Variants in F11 observed in about 807,000 individuals in gnomAD.
F11 encodes coagulation factor XI, also known as coagualtion factor XI.
In F11, 78 loss-of-function variants were observed where a neutral mutation model predicts 76.5. That is an observed-to-expected ratio of 1.02 (90% confidence interval 0.85 to 1.23). The LOEUF (loss-of-function observed/expected upper bound fraction) is 1.23, where lower values mean the gene tolerates loss of function less well. Among genes scored for constraint, F11 ranks in the 50% most tolerant of loss-of-function variants. The probability of loss-of-function intolerance (pLI) is 0.00; values close to 1 mark genes in which losing one functional copy is unlikely to be tolerated. For missense variants in F11, 742 were observed against 771.4 expected (o/e 0.96, Z 0.45); for synonymous variants, 278 against 276.3 (o/e 1.01, Z -0.06).
Position 186,280,356 on chromosome 4 carries a change from C to A in F11, c.999C>A (p.Thr333=). Residue 333 remains threonine (T), a synonymous_variant, in exon 9 of 15, where the codon ACC becomes ACA. Coordinates refer to ENST00000403665, the MANE Select transcript of F11 (RefSeq NM_000128.4). The part of the protein sequence containing the change: ...NAVRCQFFTY[T]PAQASCNEGK... ...TCCGCTGCCAGTTTTTTACCTATAC[C>A]CCAGCCCAAGCATCCTGCAACGAAG... is the stretch of plus-strand genomic sequence containing the variant. 1.9e-6 allele frequency: 3 copies of A among 1,614,144 alleles called. No individual in the cohort carries two copies. The highest frequency in any genetic ancestry group is 2.5e-6 in the Non-Finnish European group (3 of 1,180,026).
chr4:186,267,534 T>TAC (rs935064975), intron 2 of F11, among the ~76,000 whole-genome samples: 4 of 152,238 alleles, frequency 2.6e-5, no homozygotes, highest in Non-Finnish European at 5.9e-5. Flanking sequence ...CAATGGAACA[T>TAC]ACACACACAC....
chr4:186,288,262 T>C (rs1417304005), intron 14 of F11, among the ~76,000 whole-genome samples, 191 bp from the exon 15 acceptor site: 2 of 152,068 alleles, frequency 1.3e-5, no homozygotes, highest in African/African-American at 4.8e-5. Flanking sequence ...GGGAACACAG[T>C]GTATTTGTTT....
chr4:186,282,818 A>G (rs1233604493), intron 10 of F11: 1 of 985,172 alleles, frequency 1.0e-6, no homozygotes, highest in Non-Finnish European at 1.2e-6. Context: ...AGTTGCTGTT[A>G]GCTGCTGTTT....
At chr4:186,269,511 T>C (rs775522526) in intron 2 of F11, among the ~76,000 whole-genome samples, 7 of 152,218 alleles carry the variant, frequency 4.6e-5, no homozygotes, top group Non-Finnish European at 1.0e-4. Context: ...GAACAAATAC[T>C]GTGGGATCTC....
At chr4:186,286,110 T>C (rs1447106534) in intron 12 of F11, 5 of 523,336 alleles carry the variant, frequency 9.6e-6, no homozygotes, top group Non-Finnish European at 1.4e-5. Context: ...CTAAAGATAA[T>C]TTATTAAAGA....
Position 186,289,022 on chromosome 4 carries a change from A to ACGGC in F11, c.*408_*409insCGGC. Reference sequence around the variant, plus strand: ...TGAAAACTGGAAGAAAGGAGAACAAAGACAGTCTTCACCATTTTGCAGGAA... The same window carrying ACGGC: ...TGAAAACTGGAAGAAAGGAGAACAAACGGCGACAGTCTTCACCATTTTGCAGGAA... On this transcript the variant is annotated 3_prime_UTR_variant, in exon 15 of 15. Coordinates refer to ENST00000403665, the MANE Select transcript of F11 (RefSeq NM_000128.4). 1 of 219,128 alleles carries ACGGC rather than the reference A, an allele frequency of 4.6e-6. No homozygotes were observed. The highest frequency in any genetic ancestry group is 7.2e-5 in the South Asian group (1 of 13,932). 13.6% of individuals were successfully genotyped at this position (219,128 alleles called of 1,614,324 possible).
chr4:186,281,660 G>T (rs989970700), intron 10 of F11, among the ~76,000 whole-genome samples: 2 of 152,084 alleles, frequency 1.3e-5, no homozygotes, highest in Non-Finnish European at 2.9e-5. Flanking sequence ...ACTATATATT[G>T]ATTTACATAA....
chr4:186,275,683 G>C (rs1300356682), intron 5 of F11, 104 bp from the exon 6 acceptor site: 3 of 795,472 alleles, frequency 3.8e-6, no homozygotes, highest in African/African-American at 3.4e-5. Context: ...GATGCTTCGG[G>C]GTCTCGCAGG....
rs1739561285 is a variant in F11 at position 186,267,071 on chromosome 4, G to A, written c.-1-65G>A. 5 of 1,016,274 alleles carry A rather than the reference G, an allele frequency of 4.9e-6. No homozygotes were observed. In the Admixed American group the frequency reaches 5.1e-5, roughly 10 times the overall value. 63.0% of individuals were successfully genotyped at this position (1,016,274 alleles called of 1,614,324 possible). ...CTCCCTATTTCTTGTAAGTCTTAGTGTCAGTAAACTAATTATAAATTTACA... is the reference window on the plus strand; with the variant it reads ...CTCCCTATTTCTTGTAAGTCTTAGTATCAGTAAACTAATTATAAATTTACA... On this transcript the variant is annotated intron_variant, in intron 1 of 14. Coordinates refer to ENST00000403665, the MANE Select transcript of F11 (RefSeq NM_000128.4).
downstream of F11, among the ~76,000 whole-genome samples, chr4:186,289,854 TG>T (rs1263123918): frequency 6.6e-6 from 1 of 152,164 alleles, no homozygotes; most frequent in East Asian, 1.9e-4. Context: ...GGCTAATTTT[TG>T]TATTTTTAGT....
chr4:186,270,934 C>T (rs1458448369), intron 2 of F11, among the ~76,000 whole-genome samples: 2 of 150,446 alleles, frequency 1.3e-5, no homozygotes, highest in Non-Finnish European at 3.0e-5. Context: ...TTGAACTCCT[C>T]AGCTCAAGCA....
rs564882939 is a variant in F11, at chr4:186,287,900, G to T, written c.1716+77G>T. On this transcript the variant is annotated intron_variant, in intron 14 of 14. Transcript: ENST00000403665. ...GCGTTGGGGTTTTTTTGTTTGTTTT[G>T]TTTTTTTTGTTTGTTTTTTTTTGAG... is the stretch of plus-strand genomic sequence containing the variant. 12 of 1,523,870 alleles carry T rather than the reference G, an allele frequency of 7.9e-6. No homozygotes were observed. The African/African-American group carries it at 1.5e-4, about 19-fold the overall frequency. 94.4% of individuals were successfully genotyped at this position (1,523,870 alleles called of 1,614,324 possible).
intron 10 of F11, chr4:186,282,808 A>T: frequency 1.0e-6 from 1 of 985,238 alleles, no homozygotes; most frequent in Non-Finnish European, 1.2e-6. Context: ...TTCTCACCTC[A>T]GTTGCTGTTA....
Position 186,271,769 on chromosome 4 carries a change from A to T in F11, c.216A>T (p.Arg72=), listed in dbSNP as rs779497712. The T allele has an allele frequency of 1.2e-5, 19 of 1,614,066 alleles. No individual in the cohort carries two copies. The highest frequency in any genetic ancestry group is 1.6e-5 in the Non-Finnish European group (19 of 1,180,022). Residue 72 remains arginine, a splice_region_variant and synonymous_variant, in exon 3 of 15, where the codon CGA becomes CGT. Coordinates refer to ENST00000403665, the MANE Select transcript of F11 (RefSeq NM_000128.4). ...TAESPSEDPT[R]WFTCVLKDSV... Reference sequence around the variant, plus strand: ...AATCACCATCTGAGGATCCCACCCGATGGTAAATGCTTATGTTTCTACATC... The same window carrying T: ...AATCACCATCTGAGGATCCCACCCGTTGGTAAATGCTTATGTTTCTACATC...
chr4:186,282,596 C>T, intron 10 of F11: 1 of 985,258 alleles, frequency 1.0e-6, no homozygotes, highest in Non-Finnish European at 1.2e-6. Context: ...TAGGATGAAC[C>T]TCAAGGCCTC....
At chr4:186,287,968 G>A (rs1268782358) in intron 14 of F11, 145 bp downstream of exon 14, 46 of 903,802 alleles carry the variant, frequency 5.1e-5, no homozygotes, top group Admixed American at 2.5e-4. Flanking sequence ...GCAGTGGCTC[G>A]ATCTCAGCTC....
At chr4:186,284,642 C>T (rs79545919) in intron 11 of F11, among the ~76,000 whole-genome samples, 109 of 141,006 alleles carry the variant, frequency 7.7e-4, no homozygotes, top group African/African-American at 2.3e-3. Context: ...TGTGTGTGTG[C>T]GTGTGTGTTT....
intron 5 of F11, 129 bp downstream of exon 5, chr4:186,274,404 C>A: frequency 4.5e-6 from 5 of 1,118,100 alleles, no homozygotes; most frequent in Non-Finnish European, 5.3e-6. Context: ...TAATAGTACT[C>A]CTAGTTTTCT....
intron 10 of F11, chr4:186,282,616 C>T: frequency 3.0e-6 from 3 of 985,182 alleles, no homozygotes; most frequent in Non-Finnish European, 3.6e-6. Context: ...CTCACCTGGA[C>T]CTTGAGTTAT....
Sources: gnomAD v4.1 joint callset for allele counts (sites outside exome capture counted in the v4.1 genomes callset) on GRCh38, gnomAD v4.1.1 for gene constraint, MANE v1.5 for transcripts, NCBI Gene and HGNC (gene_info 2026-07-23, HGNC 2026-07-21) for gene names.